Variants in MED13L observed in about 807,000 individuals in gnomAD.
MED13L encodes the protein mediator complex subunit 13L, also known as mediator of RNA polymerase II transcription subunit 13-like.
In MED13L, 7 loss-of-function variants were observed where a neutral mutation model predicts 220.9. That is an observed-to-expected ratio of 0.03 (90% CI 0.02 to 0.06). MED13L has a LOEUF of 0.06. Ranked by LOEUF, MED13L falls within the 10% of genes least tolerant of loss-of-function variation. The pLI, the probability that MED13L is intolerant of heterozygous loss-of-function variation, is 1.00. For synonymous variants in MED13L, 1,011 were observed against 1,015.2 expected (o/e 1.00, Z 0.08); for missense variants, 1,965 against 2,760.5 (o/e 0.71, Z 6.46).
intron 28 of MED13L, among the ~76,000 whole-genome samples, chr12:115,966,538 A>G (rs753481248): frequency 3.9e-5 from 6 of 152,196 alleles, no homozygotes; most frequent in Non-Finnish European, 8.8e-5. Context: ...TAACAAACTA[A>G]AATGGAAAGA....
At chr12:116,213,453 C>T (rs1882827765) in intron 2 of MED13L, among the ~76,000 whole-genome samples, 1 of 152,094 alleles carries the variant, frequency 6.6e-6, no homozygotes, top group Non-Finnish European at 1.5e-5. Flanking sequence ...CTCTTGTTGC[C>T]CAGGCTGGAG....
intron 4 of MED13L, among the ~76,000 whole-genome samples, chr12:116,091,209 A>G (rs1872179951): frequency 6.6e-6 from 1 of 151,928 alleles, no homozygotes; most frequent in African/African-American, 2.4e-5. Flanking sequence ...CTCTTTTACT[A>G]TAAGGTATTT....
chr12:116,090,599 C>CA (rs1463261823), intron 4 of MED13L, among the ~76,000 whole-genome samples: 1 of 152,132 alleles, frequency 6.6e-6, no homozygotes, highest in African/African-American at 2.4e-5. Flanking sequence ...CTTAGAGAAT[C>CA]AGAGAATCAG....
chr12:116,101,801 A>T (rs1873085420), intron 3 of MED13L, among the ~76,000 whole-genome samples: 1 of 152,180 alleles, frequency 6.6e-6, no homozygotes, highest in Admixed American at 6.5e-5. Context: ...ACTTAACTTC[A>T]CAAATAAATA....
At chr12:115,967,170 CAAAAAAAAAAAA>C (rs34377158) in intron 28 of MED13L, among the ~76,000 whole-genome samples, 5 of 45,246 alleles carry the variant, frequency 1.1e-4, no homozygotes, top group Non-Finnish European at 1.6e-4. Flanking sequence ...GACTCTGTCT[CAAAAAAAAAAAA>C]AAAAAAAAAA....
intron 2 of MED13L, among the ~76,000 whole-genome samples, chr12:116,113,836 G>C (rs1341535035): frequency 1.4e-5 from 1 of 69,888 alleles, no homozygotes; most frequent in Admixed American, 1.4e-4. Flanking sequence ...AGGGGAGGGA[G>C]GGGGGAAGAG....
chr12:116,033,674 C>T (rs537462188), intron 4 of MED13L, among the ~76,000 whole-genome samples: 4 of 152,302 alleles, frequency 2.6e-5, no homozygotes, highest in East Asian at 3.9e-4. Flanking sequence ...CACTCCTACA[C>T]GTCACCTTGG....
chr12:116,220,404 A>T (rs1883241673), intron 2 of MED13L, among the ~76,000 whole-genome samples: 1 of 152,176 alleles, frequency 6.6e-6, no homozygotes, highest in Non-Finnish European at 1.5e-5. Flanking sequence ...CTGGATTTTA[A>T]AAGAGAACAT....
chr12:116,206,967 G>T (rs1406882588), intron 2 of MED13L, among the ~76,000 whole-genome samples: 1 of 152,002 alleles, frequency 6.6e-6, no homozygotes, highest in Non-Finnish European at 1.5e-5. Context: ...AAACCACAGA[G>T]AGGAATTATT....
chr12:116,143,411 T>C (rs1877250313), intron 2 of MED13L, among the ~76,000 whole-genome samples: 1 of 151,872 alleles, frequency 6.6e-6, no homozygotes, highest in African/African-American at 2.4e-5. Flanking sequence ...TTTAGCATGC[T>C]CCTGCTTCTT....
chr12:116,141,242 C>T (rs1877044106), intron 2 of MED13L, among the ~76,000 whole-genome samples: 1 of 152,090 alleles, frequency 6.6e-6, no homozygotes, highest in African/African-American at 2.4e-5. Flanking sequence ...TGTATTCAAA[C>T]CAATATTAAA....
chr12:116,104,535 A>G (rs7314791), intron 3 of MED13L, among the ~76,000 whole-genome samples: 6,520 of 152,290 alleles, frequency 0.043, 483 homozygotes, highest in African/African-American at 0.15. Context: ...CAGCTGTGTT[A>G]TAAACTACCA....
intron 1 of MED13L, chr12:116,276,516 G>A: frequency 7.8e-7 from 1 of 1,284,380 alleles, no homozygotes; most frequent in Non-Finnish European, 1.0e-6. Context: ...TACAATCGCG[G>A]GAGCTTCGGG....
rs12578382 is a variant in MED13L, at chr12:116,173,168, C to T, written c.311-61656G>A. On this transcript the variant is annotated intron_variant, in intron 2 of 30. Coordinates refer to ENST00000281928, the MANE Select transcript of MED13L (RefSeq NM_015335.5). ...TATCATCAATCTAAAAAAACTATCA[C>T]TCATGGAAAAAAGACATAAAGTATA... Among the ~76,000 whole-genome samples, 98 of 150,032 alleles carry T rather than the reference C, an allele frequency of 6.5e-4. No individual in the cohort carries two copies. In the East Asian group the frequency reaches 0.017, roughly 26 times the overall value.
At chr12:116,078,275 T>C (rs1870970424) in intron 4 of MED13L, among the ~76,000 whole-genome samples, 1 of 152,148 alleles carries the variant, frequency 6.6e-6, no homozygotes, top group Non-Finnish European at 1.5e-5. Flanking sequence ...CTCTATGCAA[T>C]TTTGTAAAGA....
At chr12:116,125,730 C>T (rs1168569884) in intron 2 of MED13L, among the ~76,000 whole-genome samples, 1 of 152,196 alleles carries the variant, frequency 6.6e-6, no homozygotes, top group Non-Finnish European at 1.5e-5. Flanking sequence ...CTTCTGCATA[C>T]TTTCCCTGTT....
chr12:116,057,055 A>C (rs568073594), intron 4 of MED13L, among the ~76,000 whole-genome samples: 1 of 152,244 alleles, frequency 6.6e-6, no homozygotes, highest in Non-Finnish European at 1.5e-5. Flanking sequence ...TCTTTCTCTC[A>C]TAAGATTTAA....
chr12:116,108,061 G>A (rs1873736733), intron 3 of MED13L, among the ~76,000 whole-genome samples: 1 of 151,778 alleles, frequency 6.6e-6, no homozygotes, highest in African/African-American at 2.4e-5. Context: ...CTGCACTCCA[G>A]CCTGGGCAAC....
At position 116,252,959 on chromosome 12, in the gene MED13L, A is replaced by T. The variant is rs538298917; in HGVS notation, c.73-15254T>A. Among the ~76,000 whole-genome samples the T allele has an allele frequency of 2.6e-5, 4 of 152,266 alleles. 1 individual carries two copies. In the South Asian group the frequency reaches 8.3e-4, roughly 32 times the overall value. ...AGAAACAGAAAATCTGAACAACTCT[A>T]TATCTATTAAAGACACAGAGGGCCA... On this transcript the variant is annotated intron_variant, in intron 1 of 30. Coordinates refer to ENST00000281928, the MANE Select transcript of MED13L (RefSeq NM_015335.5).
Sources: gnomAD v4.1 joint callset for allele counts (sites outside exome capture counted in the v4.1 genomes callset) on GRCh38, gnomAD v4.1.1 for gene constraint, MANE v1.5 for transcripts, NCBI Gene and HGNC (gene_info 2026-07-23, HGNC 2026-07-21) for gene names.